KCNQ5: variants seen among roughly 807,000 people sequenced by gnomAD.
KCNQ5 encodes the protein potassium voltage-gated channel subfamily KQT member 5.
Under a neutral mutation model 98.2 loss-of-function variants are expected in KCNQ5, and 30 were observed. That is an observed-to-expected ratio of 0.31 (90% confidence interval 0.23 to 0.41). The LOEUF (loss-of-function observed/expected upper bound fraction) is 0.41. Among genes scored for constraint, KCNQ5 ranks in the 10% least tolerant of loss-of-function variants. KCNQ5 has a pLI of 1.00. For missense variants in KCNQ5, 835 were observed against 1,182.5 expected (o/e 0.71, Z 4.31); for synonymous variants, 458 against 449.4 (o/e 1.02, Z -0.24).
chr6:73,170,794 T>G (rs1199037233), intron 11 of KCNQ5, among the ~76,000 whole-genome samples: 2 of 151,632 alleles, frequency 1.3e-5, no homozygotes, highest in Admixed American at 6.6e-5. Flanking sequence ...ATTAGCTGGG[T>G]GTGGTGGCGG....
Position 72,843,105 on chromosome 6 carries a change from T to TA in KCNQ5, c.399-160802dup, listed in dbSNP as rs576266943. Among the ~76,000 whole-genome samples, 78 of 152,372 alleles carry TA rather than the reference T, an allele frequency of 5.1e-4. No individual in the cohort carries two copies. The East Asian group carries it at 9.6e-3, about 19-fold the overall frequency. On this transcript the variant is annotated intron_variant, in intron 1 of 13. Transcript: ENST00000370398. ...TGCCTGGGTTTTCCTCTAGGGTTTT[T>TA]ATGGTTTTAGGTCTTACATTTAAGT...
chr6:72,738,012 G>A (rs942805611), intron 1 of KCNQ5, among the ~76,000 whole-genome samples: 4 of 150,144 alleles, frequency 2.7e-5, no homozygotes, highest in Admixed American at 2.6e-4. Flanking sequence ...AAAATTAGCC[G>A]GGCGTGGTGG....
At chr6:72,812,213 C>T (rs1775276972) in intron 1 of KCNQ5, among the ~76,000 whole-genome samples, 1 of 152,146 alleles carries the variant, frequency 6.6e-6, no homozygotes. Flanking sequence ...TCTTTATGAC[C>T]TGTATCTTAT....
At chr6:72,727,191 G>A (rs974014147) in intron 1 of KCNQ5, among the ~76,000 whole-genome samples, 1 of 152,198 alleles carries the variant, frequency 6.6e-6, no homozygotes, top group African/African-American at 2.4e-5. Flanking sequence ...GACCTGCCAT[G>A]GGGGCAAGAG....
chr6:73,167,400 A>G (rs1777846287), intron 10 of KCNQ5, among the ~76,000 whole-genome samples: 1 of 152,210 alleles, frequency 6.6e-6, no homozygotes, highest in Non-Finnish European at 1.5e-5. Flanking sequence ...GCGTAATGCA[A>G]TGCAAAGGGC....
At chr6:72,852,020 C>T (rs2150143105) in intron 1 of KCNQ5, among the ~76,000 whole-genome samples, 1 of 152,138 alleles carries the variant, frequency 6.6e-6, no homozygotes, top group Admixed American at 6.5e-5. Context: ...TTAGTAGTTA[C>T]TATCCTTTCT....
At chr6:72,922,719 T>C (rs1309244650) in intron 1 of KCNQ5, among the ~76,000 whole-genome samples, 1 of 152,124 alleles carries the variant, frequency 6.6e-6, no homozygotes, top group Admixed American at 6.5e-5. Context: ...TCATCCATGT[T>C]TTGGCAAATG....
At chr6:72,690,912 T>A (rs1326859469) in intron 1 of KCNQ5, among the ~76,000 whole-genome samples, 1 of 152,032 alleles carries the variant, frequency 6.6e-6, no homozygotes, top group Non-Finnish European at 1.5e-5. Context: ...AAAATTATAT[T>A]TATCCTTTAT....
At chr6:73,132,023 C>T (rs1461850405) in intron 9 of KCNQ5, among the ~76,000 whole-genome samples, 1 of 152,144 alleles carries the variant, frequency 6.6e-6, no homozygotes, top group African/African-American at 2.4e-5. Flanking sequence ...ACACATAAAA[C>T]GTGGTGCCCT....
rs1582520951 is a variant in KCNQ5, at chr6:73,195,161, G to A, written c.2546G>A (p.Ser849Asn). The A allele has an allele frequency of 3.7e-6, 6 of 1,614,208 alleles. No homozygotes were observed. Among genetic ancestry groups the A allele is most frequent in the Non-Finnish European group, 5.1e-6 (6 of 1,180,032 alleles). ...TEELNIQLSG[S>N]ESSGSRGSQD... Reference sequence around the variant, plus strand: ...GAACTGAATATACAACTTTCAGGGAGTGAGTCAAGTGGCTCCAGAGGCAGC... The same window carrying A: ...GAACTGAATATACAACTTTCAGGGAATGAGTCAAGTGGCTCCAGAGGCAGC... The change falls in exon 14 of 14, where the codon AGT (serine) becomes AAT (asparagine). Residue 849 changes from serine (S) to asparagine (N), a missense_variant. Physicochemically the swap from Ser to Asn is conservative, Grantham distance 46. Around this residue, in one of 10 missense-constraint regions of KCNQ5, gnomAD observed 416 missense variants for 446.9 expected, o/e 0.93. Coordinates refer to ENST00000370398, the MANE Select transcript of KCNQ5 (RefSeq NM_019842.4).
intron 1 of KCNQ5, among the ~76,000 whole-genome samples, chr6:72,702,633 G>A (rs1360145952): frequency 1.3e-5 from 2 of 152,246 alleles, no homozygotes; most frequent in Middle Eastern, 3.4e-3. Context: ...CATCAGATAA[G>A]TTGTGATGTT....
intron 10 of KCNQ5, chr6:73,134,770 T>TC (rs1776399193): frequency 6.6e-6 from 1 of 152,336 alleles, no homozygotes; most frequent in African/African-American, 2.4e-5. Flanking sequence ...AGACGGCTGA[T>TC]CCTGCCATGC....
At chr6:72,847,517 G>A (rs1267622573) in intron 1 of KCNQ5, among the ~76,000 whole-genome samples, 1 of 147,822 alleles carries the variant, frequency 6.8e-6, no homozygotes, top group Admixed American at 6.6e-5. Flanking sequence ...TTTACCAGAA[G>A]TGGAAGAGTA....
At chr6:73,001,966 TA>T (rs894509126) in intron 1 of KCNQ5, among the ~76,000 whole-genome samples, 4 of 148,400 alleles carry the variant, frequency 2.7e-5, no homozygotes, top group African/African-American at 1.0e-4. Context: ...CAAAAAATTT[TA>T]AAAAAAATTA....
intron 11 of KCNQ5, among the ~76,000 whole-genome samples, chr6:73,179,059 G>A (rs537676299): frequency 6.6e-6 from 1 of 152,242 alleles, no homozygotes; most frequent in South Asian, 2.1e-4. Flanking sequence ...CTTGGGGTCC[G>A]TGCTTTTAAG....
At chr6:72,647,576 T>C (rs1765659256) in intron 1 of KCNQ5, among the ~76,000 whole-genome samples, 1 of 152,130 alleles carries the variant, frequency 6.6e-6, no homozygotes, top group Non-Finnish European at 1.5e-5. Flanking sequence ...AGAGATTAGC[T>C]TGTTCCTCAA....
chr6:72,948,685 T>G (rs1766658816), intron 1 of KCNQ5, among the ~76,000 whole-genome samples: 1 of 152,146 alleles, frequency 6.6e-6, no homozygotes, highest in Non-Finnish European at 1.5e-5. Context: ...ATTTAGGTTA[T>G]TTGTTGTACT....
intron 10 of KCNQ5, among the ~76,000 whole-genome samples, chr6:73,142,254 G>T (rs564129353): frequency 1.3e-5 from 2 of 152,140 alleles, no homozygotes; most frequent in Non-Finnish European, 2.9e-5. Context: ...GACTATACAG[G>T]GGGGTAATAC....
chr6:73,123,363 C>T (rs1471432586), intron 8 of KCNQ5, among the ~76,000 whole-genome samples: 1 of 152,004 alleles, frequency 6.6e-6, no homozygotes, highest in Non-Finnish European at 1.5e-5. Flanking sequence ...TTACTGTTAT[C>T]ATTAAAAAAC....
Sources: gnomAD v4.1 joint callset for allele counts (sites outside exome capture counted in the v4.1 genomes callset) on GRCh38, gnomAD v4.1.1 for gene constraint, gnomAD v4.1.1 regional missense constraint, MANE v1.5 for transcripts, NCBI Gene and HGNC (gene_info 2026-07-23, HGNC 2026-07-21) for gene names.